USP25: variants seen among roughly 807,000 people sequenced by gnomAD.
USP25 encodes ubiquitin carboxyl-terminal hydrolase 25.
A neutral mutation model predicts 158.5 loss-of-function variants in USP25; 85 were observed. That is an observed-to-expected ratio of 0.54 (90% confidence interval 0.45 to 0.64). The LOEUF is 0.64. Among genes scored for constraint, USP25 ranks in the 30% least tolerant of loss-of-function variants. USP25 has a pLI of 0.00. For synonymous variants in USP25, 464 were observed against 460.4 expected (o/e 1.01, Z -0.10); for missense variants, 1,242 against 1,327.3 (o/e 0.94, Z 1.00).
rs561034759 is a variant in USP25, at chr21:15,810,704, A to G, written c.858-433A>G. Among the ~76,000 whole-genome samples, 72 of 152,254 alleles carry G rather than the reference A, an allele frequency of 4.7e-4. 3 individuals are homozygous for G. The South Asian group carries it at 0.014, about 30-fold the overall frequency. ...GATTTTTTTGGACTCTTCCATGTAAATACAGGAAATAACCTATCAAAATTT... is the reference window on the plus strand; with the variant it reads ...GATTTTTTTGGACTCTTCCATGTAAGTACAGGAAATAACCTATCAAAATTT... On this transcript the variant is annotated intron_variant, in intron 8 of 25. Coordinates refer to ENST00000400183, the MANE Select transcript of USP25 (RefSeq NM_001283041.3).
intron 7 of USP25, among the ~76,000 whole-genome samples, chr21:15,808,389 T>A (rs1307747587): frequency 3.9e-5 from 6 of 152,214 alleles, no homozygotes; most frequent in Admixed American, 3.9e-4. Flanking sequence ...AAGAGACTAG[T>A]CTTCCTTCTA....
At position 15,730,087 on chromosome 21, in the gene USP25, C is replaced by T. The variant is rs1043814965; in HGVS notation, c.-307C>T. ...CGCGTGACGCCGCCCGACTGGCTCGCGCTCTCCCGTGCCCCGGCGTCCTCC... is the reference window on the plus strand; with the variant it reads ...CGCGTGACGCCGCCCGACTGGCTCGTGCTCTCCCGTGCCCCGGCGTCCTCC... On this transcript the variant is annotated 5_prime_UTR_variant, in exon 1 of 26. Transcript: ENST00000400183. 224 of 152,174 alleles carry T rather than the reference C, an allele frequency of 1.5e-3. No individual in the cohort carries two copies. The highest frequency in any genetic ancestry group is 2.4e-3 in the Non-Finnish European group (165 of 68,368). 9.4% of individuals were successfully genotyped at this position (152,174 alleles called of 1,614,324 possible).
chr21:15,856,914 A>G (rs1354656825), intron 20 of USP25, among the ~76,000 whole-genome samples: 1 of 152,206 alleles, frequency 6.6e-6, no homozygotes, highest in African/African-American at 2.4e-5. Flanking sequence ...TTCTCCTAGA[A>G]TAGGGTATTC....
chr21:15,870,410 T>C (rs944731224), intron 23 of USP25, among the ~76,000 whole-genome samples: 4 of 152,180 alleles, frequency 2.6e-5, no homozygotes, highest in Non-Finnish European at 5.9e-5. Context: ...ACACTACCCT[T>C]GAAGCTGAGT....
chr21:15,768,442 C>A (rs1337717610), intron 3 of USP25, among the ~76,000 whole-genome samples: 2 of 151,972 alleles, frequency 1.3e-5, no homozygotes, highest in Non-Finnish European at 2.9e-5. Flanking sequence ...TGGTTTAAAA[C>A]TGAGAAAGTG....
chr21:15,858,192 T>C (rs2039251090), intron 20 of USP25, among the ~76,000 whole-genome samples: 1 of 152,106 alleles, frequency 6.6e-6, no homozygotes, highest in Non-Finnish European at 1.5e-5. Context: ...ATTTTTCTTC[T>C]GATGATTTTT....
intron 23 of USP25, 32 bp from the exon 24 acceptor site, chr21:15,874,371 C>T: frequency 6.4e-7 from 1 of 1,558,262 alleles, no homozygotes; most frequent in Non-Finnish European, 8.7e-7. Flanking sequence ...AGGTGAAATA[C>T]TAATGTTATA....
intron 20 of USP25, among the ~76,000 whole-genome samples, chr21:15,863,178 A>C (rs569915936): frequency 6.6e-6 from 1 of 151,980 alleles, no homozygotes; most frequent in South Asian, 2.1e-4. Flanking sequence ...AAATCTATAC[A>C]TATTTCTATA....
At chr21:15,822,981 G>A (rs1037206319) in intron 10 of USP25, among the ~76,000 whole-genome samples, 1 of 151,984 alleles carries the variant, frequency 6.6e-6, no homozygotes, top group African/African-American at 2.4e-5. Flanking sequence ...TTTATTTGCT[G>A]TAGAGAAAAG....
rs140486673 is a variant in USP25, at chr21:15,854,435, C to T, written c.2547+4563C>T. On this transcript the variant is annotated intron_variant, in intron 20 of 25. Transcript: ENST00000400183. ...CTGGGATTACAGATGTGAGCCACCA[C>T]GCCCGGCCGTGTTTTTGTTTTTTTT... 3.5e-4 allele frequency among the ~76,000 whole-genome samples: 53 copies of T among 152,194 alleles called. 1 individual carries two copies. In the East Asian group the frequency reaches 0.01, roughly 29 times the overall value.
At chr21:15,811,100 A>G in intron 8 of USP25, 37 bp from the exon 9 acceptor site, 1 of 1,571,688 alleles carries the variant, frequency 6.4e-7, no homozygotes, top group South Asian at 1.2e-5. Context: ...TAGGTCCGAA[A>G]ATTGTAATCA....
intron 1 of USP25, among the ~76,000 whole-genome samples, chr21:15,755,112 G>T (rs2033289102): frequency 6.6e-6 from 1 of 151,686 alleles, no homozygotes; most frequent in Non-Finnish European, 1.5e-5. Flanking sequence ...AGCAGTGCGT[G>T]TGATTCTGAA....
At chr21:15,811,019 A>G (rs2036632055) in intron 8 of USP25, 118 bp from the exon 9 acceptor site, 1 of 819,872 alleles carries the variant, frequency 1.2e-6, no homozygotes. Flanking sequence ...AGCTAAATGC[A>G]AGTGCGTGAT....
Position 15,860,967 on chromosome 21 carries a change from T to TAG in USP25, c.2548-3300_2548-3299insGA, listed in dbSNP as rs1285954666. 9.1e-4 allele frequency among the ~76,000 whole-genome samples: 128 copies of TAG among 141,294 alleles called. 1 individual carries two copies. The highest frequency in any genetic ancestry group is 2.0e-3 in the East Asian group (10 of 4,882). 92.7% of individuals were successfully genotyped at this position (141,294 alleles called of 152,430 possible). On this transcript the variant is annotated intron_variant, in intron 20 of 25. Coordinates refer to ENST00000400183, the MANE Select transcript of USP25 (RefSeq NM_001283041.3). ...TTTGGTATCTTCATATATATATATA[T>TAG]ATATATATAGAGAGAGAGAGAGAGA...
At position 15,814,528 on chromosome 21, in the gene USP25, T is replaced by G. The variant is rs527411026; in HGVS notation, c.931+3318T>G. Among the ~76,000 whole-genome samples the G allele has an allele frequency of 1.4e-4, 21 of 152,228 alleles. No individual in the cohort carries two copies. The South Asian group carries it at 3.5e-3, about 26-fold the overall frequency. Reference sequence around the variant, plus strand: ...TTTGACAAAAATGCTGATAGTGATATGAACAATAAGGTCCAGGCTGAGGTG... The same window carrying G: ...TTTGACAAAAATGCTGATAGTGATAGGAACAATAAGGTCCAGGCTGAGGTG... On this transcript the variant is annotated intron_variant, in intron 9 of 25. Coordinates refer to ENST00000400183, the MANE Select transcript of USP25 (RefSeq NM_001283041.3).
intron 23 of USP25, among the ~76,000 whole-genome samples, chr21:15,873,525 G>A (rs895315376): frequency 6.6e-6 from 1 of 151,302 alleles, no homozygotes; most frequent in Admixed American, 6.6e-5. Context: ...TTTTGAGACG[G>A]AGTTTTGCTC....
At position 15,844,404 on chromosome 21, in the gene USP25, T is replaced by G. The variant is rs1203477488; in HGVS notation, c.2337+1864T>G. On this transcript the variant is annotated intron_variant, in intron 18 of 25. Coordinates refer to ENST00000400183, the MANE Select transcript of USP25 (RefSeq NM_001283041.3). ...AAATTTCTCCAGATAGACCTCAGTC[T>G]TCTTTTCCATAAAATGAAGGTAATT... Among the ~76,000 whole-genome samples the G allele has an allele frequency of 6.6e-5, 10 of 152,304 alleles. No individual in the cohort carries two copies. The South Asian group carries it at 8.3e-4, about 13-fold the overall frequency.
chr21:15,848,991 C>G (rs1568886561), intron 19 of USP25, among the ~76,000 whole-genome samples: 1 of 144,862 alleles, frequency 6.9e-6, no homozygotes, highest in Non-Finnish European at 1.5e-5. Flanking sequence ...ATTATGAAAA[C>G]AAAAAAAATG....
intron 18 of USP25, among the ~76,000 whole-genome samples, chr21:15,846,496 G>A (rs894697067): frequency 6.6e-6 from 1 of 151,994 alleles, no homozygotes; most frequent in Admixed American, 6.6e-5. Flanking sequence ...GGCAGTACCA[G>A]TTGCAGCTAT....
Sources: gnomAD v4.1 joint callset for allele counts (sites outside exome capture counted in the v4.1 genomes callset) on GRCh38, gnomAD v4.1.1 for gene constraint, MANE v1.5 for transcripts, NCBI Gene and HGNC (gene_info 2026-07-23, HGNC 2026-07-21) for gene names.